OXR1: variants seen among roughly 807,000 people sequenced by gnomAD.
OXR1 encodes the protein oxidation resistance protein 1.
OXR1 carries 41 observed loss-of-function variants against 104.6 expected under a neutral mutation model. The observed-to-expected ratio is 0.39, with a 90% CI of 0.31 to 0.51. The LOEUF is 0.51. Ranked by LOEUF, OXR1 falls within the 20% of genes least tolerant of loss-of-function variation. The pLI is 0.77. For missense variants in OXR1, 955 were observed against 1,031.9 expected, an observed-to-expected ratio of 0.93 and a Z score of 1.02; for synonymous variants, 348 against 348.4, an observed-to-expected ratio of 1.00 and a Z score of 0.01.
At chr8:106,307,308 T>C (rs912239898) in intron 1 of OXR1, among the ~76,000 whole-genome samples, 1 of 152,164 alleles carries the variant, frequency 6.6e-6, no homozygotes, top group Non-Finnish European at 1.5e-5. Context: ...TTTAAAGATG[T>C]TATGATTTCC....
At chr8:106,276,132 G>A (rs1238693608) in intron 1 of OXR1, among the ~76,000 whole-genome samples, 1 of 152,104 alleles carries the variant, frequency 6.6e-6, no homozygotes, top group Non-Finnish European at 1.5e-5. Context: ...ATTCAGAATT[G>A]TCTCTATCCT....
chr8:106,742,288 T>C lies in OXR1; in HGVS notation c.2383T>C (p.Phe795Leu). Residue 795 changes from phenylalanine (F) to leucine (L), a missense_variant, in exon 15 of 17, where the codon TTT (phenylalanine) becomes CTT (leucine). Physicochemically the swap from Phe to Leu is conservative, Grantham distance 22. Around this residue, in one of 2 missense-constraint regions of OXR1, gnomAD observed 106 missense variants for 179.0 expected, o/e 0.59. Coordinates refer to ENST00000517566, the MANE Select transcript of OXR1 (RefSeq NM_001198533.2). ...SDGFYGTGET[F>L]VFTFCPEFEV... Reference sequence around the variant, plus strand: ...TGGCTTTTATGGTACTGGAGAGACCTTTGTTTTTACATTCTGTCCGGAGTT... The same window carrying C: ...TGGCTTTTATGGTACTGGAGAGACCCTTGTTTTTACATTCTGTCCGGAGTT... 1 of 1,608,824 alleles carries C rather than the reference T, an allele frequency of 6.2e-7. No individual in the cohort carries two copies. The highest frequency in any genetic ancestry group is 8.5e-7 in the Non-Finnish European group (1 of 1,175,758).
intron 11 of OXR1, among the ~76,000 whole-genome samples, chr8:106,715,900 A>AC (rs1832198352): frequency 3.9e-5 from 6 of 152,224 alleles, no homozygotes; most frequent in African/African-American, 1.4e-4. Context: ...AAAATGGAAG[A>AC]GAAAAAAATA....
intron 3 of OXR1, among the ~76,000 whole-genome samples, chr8:106,563,433 G>T (rs902362219): frequency 6.6e-6 from 1 of 152,012 alleles, no homozygotes; most frequent in African/African-American, 2.4e-5. Flanking sequence ...GCAACAAGAA[G>T]TGCTAACTAT....
chr8:106,638,661 T>C (rs1318022702), intron 3 of OXR1, among the ~76,000 whole-genome samples: 2 of 152,162 alleles, frequency 1.3e-5, no homozygotes, highest in Admixed American at 6.5e-5. Context: ...AGCACTTTGA[T>C]AGGCCGAGGT....
intron 4 of OXR1, among the ~76,000 whole-genome samples, chr8:106,680,080 A>G (rs1364275841): frequency 6.6e-6 from 1 of 152,060 alleles, no homozygotes; most frequent in African/African-American, 2.4e-5. Context: ...TTTTCCATGC[A>G]TCTTTAAAAT....
At chr8:106,633,261 A>G (rs1822855020) in intron 3 of OXR1, among the ~76,000 whole-genome samples, 1 of 151,682 alleles carries the variant, frequency 6.6e-6, no homozygotes, top group African/African-American at 2.4e-5. Context: ...ACAAACAACA[A>G]CAAAAAAAAA....
At chr8:106,472,972 CT>C (rs1272912092) in intron 2 of OXR1, among the ~76,000 whole-genome samples, 1 of 151,800 alleles carries the variant, frequency 6.6e-6, no homozygotes, top group Non-Finnish European at 1.5e-5. Flanking sequence ...CTCCATCATT[CT>C]TTTTTTCCCC....
chr8:106,585,016 A>G (rs1197716234), intron 3 of OXR1, among the ~76,000 whole-genome samples: 1 of 152,192 alleles, frequency 6.6e-6, no homozygotes, highest in African/African-American at 2.4e-5. Context: ...ACTTATAAAG[A>G]GACAAAACAT....
intron 3 of OXR1, among the ~76,000 whole-genome samples, chr8:106,590,074 G>A (rs3134122): frequency 0.37 from 55,437 of 151,846 alleles, 10,870 homozygotes; most frequent in African/African-American, 0.51. Context: ...CAAAACACAT[G>A]CTTCCACTTC....
chr8:106,634,297 TAGGAG>T (rs1822956036), intron 3 of OXR1, among the ~76,000 whole-genome samples: 1 of 152,216 alleles, frequency 6.6e-6, no homozygotes, highest in African/African-American at 2.4e-5. Flanking sequence ...AGCTGATTTA[TAGGAG>T]AGCCTCAAAT....
intron 1 of OXR1, among the ~76,000 whole-genome samples, chr8:106,341,205 C>T (rs537329448): frequency 6.6e-6 from 1 of 152,150 alleles, no homozygotes; most frequent in African/African-American, 2.4e-5. Flanking sequence ...ACTAAGGCTA[C>T]TATTTTCCAA....
chr8:106,603,501 A>G (rs1388808431), intron 3 of OXR1, among the ~76,000 whole-genome samples: 1 of 152,200 alleles, frequency 6.6e-6, no homozygotes, highest in Admixed American at 6.5e-5. Flanking sequence ...TAAAACCTCC[A>G]CAACGTATTT....
chr8:106,591,908 G>A (rs1160145657), intron 3 of OXR1, among the ~76,000 whole-genome samples: 1 of 152,172 alleles, frequency 6.6e-6, no homozygotes, highest in Non-Finnish European at 1.5e-5. Flanking sequence ...TCATAAAATG[G>A]TAAATGAGGG....
chr8:106,727,217 A>G (rs1223640021), intron 11 of OXR1, among the ~76,000 whole-genome samples: 1 of 149,576 alleles, frequency 6.7e-6, no homozygotes, highest in Non-Finnish European at 1.5e-5. Flanking sequence ...TAAACCAAGA[A>G]CAATGAAGCT....
chr8:106,703,066 G>A lies in OXR1; in HGVS notation c.836G>A (p.Ser279Asn). ...SAAMYKEILD[S>N]KIKESLPIDI... ...GCAATGTACAAAGAAATTTTGGATAGCAAAATAAAGGAATCTTTACCCATG... is the reference window on the plus strand; with the variant it reads ...GCAATGTACAAAGAAATTTTGGATAACAAAATAAAGGAATCTTTACCCATG... Residue 279 changes from serine to asparagine, a missense_variant, in exon 8 of 17, where the codon AGC (serine) becomes AAC (asparagine). By Grantham distance (46) the Ser-to-Asn change is conservative. Coordinates refer to ENST00000517566, the MANE Select transcript of OXR1 (RefSeq NM_001198533.2). 1.2e-6 allele frequency: 2 copies of A among 1,611,962 alleles called. No individual in the cohort carries two copies. The highest frequency in any genetic ancestry group is 1.7e-6 in the Non-Finnish European group (2 of 1,178,364).
chr8:106,537,395 G>A (rs1326968749), intron 3 of OXR1, among the ~76,000 whole-genome samples: 1 of 152,134 alleles, frequency 6.6e-6, no homozygotes, highest in African/African-American at 2.4e-5. Context: ...CCCAAGGCAA[G>A]TGCAAAATGC....
chr8:106,386,072 G>GGCAGCAGCAGCA (rs148685430), intron 2 of OXR1, among the ~76,000 whole-genome samples: 1 of 151,878 alleles, frequency 6.6e-6, no homozygotes, highest in African/African-American at 2.4e-5. Context: ...TTGAGCAGTG[G>GGCAGCAGCAGCA]GCAGCAGCAG....
intron 1 of OXR1, among the ~76,000 whole-genome samples, chr8:106,294,131 C>G (rs1297934389): frequency 6.6e-6 from 1 of 151,766 alleles, no homozygotes; most frequent in East Asian, 1.9e-4. Flanking sequence ...GCTTAAATGT[C>G]TGTAGTCCCG....
Sources: allele counts gnomAD v4.1 joint callset (sites outside exome capture counted in the v4.1 genomes callset), GRCh38; gene constraint gnomAD v4.1.1; regional missense constraint gnomAD v4.1.1; transcripts MANE v1.5; gene names NCBI Gene and HGNC (gene_info 2026-07-23, HGNC 2026-07-21).